LHFPL3: variants seen among roughly 807,000 people sequenced by gnomAD.
LHFPL3 encodes LHFPL tetraspan subfamily member 3.
Under a neutral mutation model 19.3 loss-of-function variants are expected in LHFPL3, and 5 were observed. The observed-to-expected ratio is 0.26, with a 90% CI of 0.14 to 0.54. The LOEUF (loss-of-function observed/expected upper bound fraction) is 0.54, where lower values mean the gene tolerates loss of function less well. LHFPL3 is among the 20% of genes least tolerant of loss of function. LHFPL3 has a pLI of 0.94. For missense variants in LHFPL3, 249 were observed against 307.4 expected, an observed-to-expected ratio of 0.81 and a Z score of 1.42; for synonymous variants, 133 against 126.2, an observed-to-expected ratio of 1.05 and a Z score of -0.36.
At chr7:104,729,404 G>T (rs1463160616) in intron 1 of LHFPL3, among the ~76,000 whole-genome samples, 2 of 152,030 alleles carry the variant, frequency 1.3e-5, no homozygotes, top group African/African-American at 4.8e-5. Context: ...TAGCTATTTT[G>T]AAATGTATAA....
chr7:104,389,919 A>G (rs1290970125), intron 1 of LHFPL3, among the ~76,000 whole-genome samples: 1 of 152,156 alleles, frequency 6.6e-6, no homozygotes, highest in East Asian at 1.9e-4. Context: ...AACTGCCAGA[A>G]AAAATGTGTT....
intron 2 of LHFPL3, among the ~76,000 whole-genome samples, chr7:104,886,959 G>A (rs1792161613): frequency 6.6e-6 from 1 of 152,210 alleles, no homozygotes; most frequent in African/African-American, 2.4e-5. Context: ...GAAGACTAAT[G>A]TGGCTTCACA....
intron 1 of LHFPL3, among the ~76,000 whole-genome samples, chr7:104,347,784 G>A (rs1404482000): frequency 6.6e-6 from 1 of 151,870 alleles, no homozygotes; most frequent in Non-Finnish European, 1.5e-5. Context: ...CCCAGTTACT[G>A]GGGAGGCTGA....
At chr7:104,875,938 T>G (rs915834237) in intron 2 of LHFPL3, among the ~76,000 whole-genome samples, 1 of 152,194 alleles carries the variant, frequency 6.6e-6, no homozygotes, top group African/African-American at 2.4e-5. Flanking sequence ...TCCTGGCACA[T>G]CCTCTTTATC....
At chr7:104,798,028 G>C (rs988353997) in intron 2 of LHFPL3, among the ~76,000 whole-genome samples, 8 of 152,112 alleles carry the variant, frequency 5.3e-5, no homozygotes, top group African/African-American at 1.9e-4. Context: ...GTGGCAGTGG[G>C]GGGGGCGGCA....
intron 2 of LHFPL3, among the ~76,000 whole-genome samples, chr7:104,771,862 G>C (rs548545867): frequency 8.7e-6 from 1 of 115,598 alleles, no homozygotes; most frequent in Admixed American, 1.3e-4. Context: ...TCGCTCTGTC[G>C]CCAGGCTGGA....
chr7:104,708,517 T>C (rs1344396452), intron 1 of LHFPL3, among the ~76,000 whole-genome samples: 4 of 152,220 alleles, frequency 2.6e-5, no homozygotes, highest in African/African-American at 9.7e-5. Context: ...AAATCCCTTT[T>C]GTCCTCCCTG....
chr7:104,561,929 C>T (rs1293435240), intron 1 of LHFPL3, among the ~76,000 whole-genome samples: 2 of 151,986 alleles, frequency 1.3e-5, no homozygotes, highest in Non-Finnish European at 2.9e-5. Flanking sequence ...TTTTATTTCT[C>T]CTTCACTTAA....
intron 1 of LHFPL3, among the ~76,000 whole-genome samples, chr7:104,581,637 A>C (rs183595238): frequency 6.6e-6 from 1 of 151,968 alleles, no homozygotes. Flanking sequence ...TTTACCTTTT[A>C]CATGTGAATC....
At position 104,518,074 on chromosome 7, in the gene LHFPL3, G is replaced by A. The variant is rs75529727; in HGVS notation, c.445+188850G>A. Among the ~76,000 whole-genome samples, 1,478 of 152,154 alleles carry A rather than the reference G, an allele frequency of 9.7e-3. 20 individuals are homozygous for A. Among genetic ancestry groups the A allele is most frequent in the African/African-American group, 0.033 (1,365 of 41,508 alleles). ...GATCCCAATGTCATCCTAGGAATAA[G>A]TAGTATTAGTCTAGGCTTACATGAA... is the stretch of plus-strand genomic sequence containing the variant. On this transcript the variant is annotated intron_variant, in intron 1 of 2. Transcript: ENST00000424859.
At chr7:104,696,768 A>G (rs1793003696) in intron 1 of LHFPL3, among the ~76,000 whole-genome samples, 1 of 152,158 alleles carries the variant, frequency 6.6e-6, no homozygotes, top group African/African-American at 2.4e-5. Flanking sequence ...GCAGAGTTCT[A>G]GACTGGAAAT....
chr7:104,687,331 G>A (rs969291648), intron 1 of LHFPL3, among the ~76,000 whole-genome samples: 1 of 152,206 alleles, frequency 6.6e-6, no homozygotes, highest in African/African-American at 2.4e-5. Flanking sequence ...GACTTCATGT[G>A]TTCAGCTATC....
chr7:104,631,151 A>G (rs941612706), intron 1 of LHFPL3, among the ~76,000 whole-genome samples: 3 of 152,180 alleles, frequency 2.0e-5, no homozygotes, highest in African/African-American at 7.2e-5. Context: ...AACAACAACA[A>G]CAACAACAAC....
intron 1 of LHFPL3, among the ~76,000 whole-genome samples, chr7:104,406,619 C>G (rs932718116): frequency 1.3e-5 from 2 of 152,200 alleles, no homozygotes; most frequent in African/African-American, 4.8e-5. Flanking sequence ...TCCACTGATC[C>G]AAATCCTTTC....
At chr7:104,558,079 T>G (rs1385844090) in intron 1 of LHFPL3, among the ~76,000 whole-genome samples, 1 of 150,102 alleles carries the variant, frequency 6.7e-6, no homozygotes, top group Non-Finnish European at 1.5e-5. Context: ...AGTCTATCAC[T>G]GTTGGACATT....
chr7:104,348,775 G>A (rs7800144), intron 1 of LHFPL3, among the ~76,000 whole-genome samples: 96,089 of 152,048 alleles, frequency 0.63, 31,317 homozygotes, highest in East Asian at 0.88. Flanking sequence ...GAAAAAGACT[G>A]AAAGACACTG....
chr7:104,432,941 C>A (rs1290305542), intron 1 of LHFPL3, among the ~76,000 whole-genome samples: 1 of 152,180 alleles, frequency 6.6e-6, no homozygotes, highest in Non-Finnish European at 1.5e-5. Flanking sequence ...ACATTGCCCT[C>A]TCCCTACCTC....
intron 1 of LHFPL3, among the ~76,000 whole-genome samples, chr7:104,483,232 G>A (rs1026714187): frequency 5.3e-5 from 8 of 152,186 alleles, no homozygotes; most frequent in Admixed American, 5.2e-4. Context: ...TGTTTTGCAG[G>A]ATCAGTTTCA....
intron 1 of LHFPL3, among the ~76,000 whole-genome samples, chr7:104,715,074 GGAAGATAGCTT>G (rs1258870918): frequency 6.6e-6 from 1 of 152,088 alleles, no homozygotes; most frequent in African/African-American, 2.4e-5. Flanking sequence ...GGCCAAGGAG[GGAAGATAGCTT>G]GAGCCCAGAA....
Sources: gnomAD v4.1 joint callset for allele counts (sites outside exome capture counted in the v4.1 genomes callset) on GRCh38, gnomAD v4.1.1 for gene constraint, MANE v1.5 for transcripts, NCBI Gene and HGNC (gene_info 2026-07-23, HGNC 2026-07-21) for gene names.